Variants in AQP5 observed in about 807,000 individuals in gnomAD.
The protein encoded by AQP5 is aquaporin-5.
In AQP5, 15 loss-of-function variants were observed where a neutral mutation model predicts 19.1. That is an observed-to-expected ratio of 0.79 (90% CI 0.53 to 1.21). The LOEUF (loss-of-function observed/expected upper bound fraction) is 1.21, where lower values mean the gene tolerates loss of function less well. AQP5 is among the 50% of genes most tolerant of loss of function. AQP5 has a pLI of 0.00. For synonymous variants in AQP5, 182 were observed against 160.3 expected (o/e 1.14, Z -1.02); for missense variants, 355 against 357.1 (o/e 0.99, Z 0.05).
At chr12:49,964,649 A>AG (rs1289924054) in intron 3 of AQP5, 3 of 984,808 alleles carry the variant, frequency 3.0e-6, no homozygotes, top group Middle Eastern at 5.2e-4. Context: ...CCCTGCGTGG[A>AG]GGGGACACGC....
At chr12:49,964,449 CTG>C (rs1947465388) in intron 3 of AQP5, among the ~76,000 whole-genome samples, 1 of 152,070 alleles carries the variant, frequency 6.6e-6, no homozygotes, top group Non-Finnish European at 1.5e-5. Context: ...CAGAGGGGCT[CTG>C]TGTCAATTCC....
chr12:49,963,869 A>G, intron 2 of AQP5: 2 of 811,066 alleles, frequency 2.5e-6, no homozygotes, highest in Non-Finnish European at 1.9e-6. Flanking sequence ...AGGAGGTGGG[A>G]TGGGACAGGA....
chr12:49,963,956 T>C, intron 2 of AQP5, 136 bp from the exon 3 acceptor site: 3 of 915,924 alleles, frequency 3.3e-6, no homozygotes, highest in Non-Finnish European at 5.2e-6. Flanking sequence ...GCTGGGATCC[T>C]TGGAGGGAGA....
At position 49,965,341 on chromosome 12, in the gene AQP5, T is replaced by A; in HGVS notation, c.*164T>A. On this transcript the variant is annotated 3_prime_UTR_variant, in exon 4 of 4. Transcript: ENST00000293599. ...TAGAGAGGGGAGAAGGAACCCATGATGGGACTCCTGGGGTAGGGGCCAGGG... is the reference window on the plus strand; with the variant it reads ...TAGAGAGGGGAGAAGGAACCCATGAAGGGACTCCTGGGGTAGGGGCCAGGG... 1 of 810,228 alleles carries A rather than the reference T, an allele frequency of 1.2e-6. No homozygotes were observed. Among genetic ancestry groups the A allele is most frequent in the African/African-American group, 1.7e-5 (1 of 57,558 alleles). 50.2% of individuals were successfully genotyped at this position (810,228 alleles called of 1,614,324 possible). A position where few individuals can be genotyped will look rare whatever the true frequency, so the allele number is the denominator to read the frequency against.
chr12:49,965,187 G>A lies in AQP5; in HGVS notation c.*10G>A. 1 of 1,598,874 alleles carries A rather than the reference G, an allele frequency of 6.3e-7. No homozygotes were observed. The highest frequency in any genetic ancestry group is 8.5e-7 in the Non-Finnish European group (1 of 1,172,690). ...GCTGACCACCCGCTGACCAGTGTCA[G>A]GCAGGGGCCAGCCCCTCAGCCCCTG... is the stretch of plus-strand genomic sequence containing the variant. On this transcript the variant is annotated 3_prime_UTR_variant, in exon 4 of 4. Coordinates refer to ENST00000293599, the MANE Select transcript of AQP5 (RefSeq NM_001651.4).
intron 1 of AQP5, 88 bp from the exon 2 acceptor site, chr12:49,963,404 G>A: frequency 6.5e-7 from 1 of 1,545,794 alleles, no homozygotes; most frequent in Non-Finnish European, 8.8e-7. Flanking sequence ...TGCTCTAAGT[G>A]TCCCTGGAGG....
chr12:49,962,371 C>A lies in AQP5; in HGVS notation c.354C>A (p.Ala118=). 1 of 1,571,854 alleles carries A rather than the reference C, an allele frequency of 6.4e-7. No homozygotes were observed. Among genetic ancestry groups the A allele is most frequent in the Non-Finnish European group, 8.6e-7 (1 of 1,168,228 alleles). ...VAPLNARGNL[A]VNALNNNTTQ... ...CGCTCAATGCCCGGGGCAATCTGGC[C>A]GTCAACGCGGTGAGTGCCCTGGGGG... Residue 118 remains alanine, a synonymous_variant, in exon 1 of 4, where the codon GCC becomes GCA. Coordinates refer to ENST00000293599, the MANE Select transcript of AQP5 (RefSeq NM_001651.4).
In AQP5 at chr12:49,962,109, C is replaced by A; in HGVS notation, c.92C>A (p.Ser31Ter). The change falls in exon 1 of 4, where the codon TCG becomes TAG. Residue 31 changes from serine (S) to a stop codon, truncating the protein, a stop_gained. Transcript: ENST00000293599. LOFTEE classifies it high-confidence loss of function. Reference sequence around the variant, plus strand: ...ATCTTCGTCTTCTTTGGCCTGGGCTCGGCCCTCAAGTGGCCGTCGGCGCTG... The same window carrying A: ...ATCTTCGTCTTCTTTGGCCTGGGCTAGGCCCTCAAGTGGCCGTCGGCGCTG... ...TLIFVFFGLGSALKWPSALPT... is the reference protein window; with the variant it reads ...TLIFVFFGLG The A allele has an allele frequency of 5.6e-6, 9 of 1,613,556 alleles. No homozygotes were observed. The highest frequency in any genetic ancestry group is 7.6e-6 in the Non-Finnish European group (9 of 1,179,778).
chr12:49,964,006 A>G, intron 2 of AQP5, 86 bp from the exon 3 acceptor site: 1 of 1,337,424 alleles, frequency 7.5e-7, no homozygotes, highest in Non-Finnish European at 1.1e-6. Flanking sequence ...GAGCCCCTGG[A>G]CTGCAGTGTA....
At position 49,965,301 on chromosome 12, in the gene AQP5, C is replaced by A; in HGVS notation, c.*124C>A. Reference sequence around the variant, plus strand: ...TTGGCTGAGGAGGAGGAGCTGGTCACCCTGGCTGCACAGTTAGAGAGGGGA... The same window carrying A: ...TTGGCTGAGGAGGAGGAGCTGGTCAACCTGGCTGCACAGTTAGAGAGGGGA... On this transcript the variant is annotated 3_prime_UTR_variant, in exon 4 of 4. Coordinates refer to ENST00000293599, the MANE Select transcript of AQP5 (RefSeq NM_001651.4). 8.3e-7 allele frequency: 1 copy of A among 1,207,890 alleles called. No homozygotes were observed. Among genetic ancestry groups the A allele is most frequent in the Non-Finnish European group, 1.1e-6 (1 of 893,322 alleles). The allele number at this position is 1,207,890 out of a possible 1,614,324, so 74.8% of individuals were successfully genotyped here.
chr12:49,964,843 G>A, intron 3 of AQP5, 149 bp from the exon 4 acceptor site: 1 of 1,437,648 alleles, frequency 7.0e-7, no homozygotes, highest in Non-Finnish European at 9.1e-7. Flanking sequence ...TCGTCCCCGA[G>A]GTGGGAGGAA....
In AQP5 at chr12:49,965,209, C is replaced by T. The variant is rs1159582110; in HGVS notation, c.*32C>T. On this transcript the variant is annotated 3_prime_UTR_variant, in exon 4 of 4. Coordinates refer to ENST00000293599, the MANE Select transcript of AQP5 (RefSeq NM_001651.4). ...TCAGGCAGGGGCCAGCCCCTCAGCC[C>T]CTGAGCCAAGGGGGAAAAGAAGAAA... The T allele has an allele frequency of 1.3e-6, 2 of 1,557,948 alleles. No homozygotes were observed. Among genetic ancestry groups the T allele is most frequent in the Non-Finnish European group, 1.7e-6 (2 of 1,154,976 alleles).
intron 3 of AQP5, 82 bp downstream of exon 3, chr12:49,964,257 G>A (rs1947462319): frequency 1.7e-5 from 25 of 1,437,146 alleles, no homozygotes; most frequent in Non-Finnish European, 2.3e-5. Flanking sequence ...ACCAGACCTG[G>A]ATTCTGTGGG....
chr12:49,963,584 CCG>C lies in AQP5; in HGVS notation c.458_459del (p.Arg153ProfsTer81). 3 of 1,613,942 alleles carry C rather than the reference CCG, an allele frequency of 1.9e-6. No individual in the cohort carries two copies. Among genetic ancestry groups the C allele is most frequent in the Non-Finnish European group, 2.5e-6 (3 of 1,180,040 alleles). ...ALCIFASTDSRRTSPVGSPAL... is the reference protein window; with the variant it reads ...ALCIFASTDSXRTSPVGSPAL... ...TCTGCATCTTCGCCTCCACTGACTCCCGCCGCACCAGCCCTGTGGGCTCCCCA... is the reference window on the plus strand; with the variant it reads ...TCTGCATCTTCGCCTCCACTGACTCCCCGCACCAGCCCTGTGGGCTCCCCA... On this transcript the variant is annotated frameshift_variant, in exon 2 of 4. Coordinates refer to ENST00000293599, the MANE Select transcript of AQP5 (RefSeq NM_001651.4). LOFTEE classifies it high-confidence loss of function.
rs535080363 is a variant in AQP5, at chr12:49,963,580, A to G, written c.452A>G (p.Asp151Gly). The change falls in exon 2 of 4, where the codon GAC becomes GGC. Residue 151 changes from aspartate to glycine, a missense_variant. Physicochemically the swap from Asp to Gly is moderately conservative, Grantham distance 94. Transcript: ENST00000293599. ...GCACTCTGCATCTTCGCCTCCACTG[A>G]CTCCCGCCGCACCAGCCCTGTGGGC... ...QLALCIFAST[D>G]SRRTSPVGSP... 6.2e-7 allele frequency: 1 copy of G among 1,613,016 alleles called. No individual in the cohort carries two copies. Among genetic ancestry groups the G allele is most frequent in the Admixed American group, 1.7e-5 (1 of 59,986 alleles).
In AQP5 at chr12:49,963,525, G is replaced by T; in HGVS notation, c.397G>T (p.Val133Leu). The T allele has an allele frequency of 6.2e-7, 1 of 1,613,946 alleles. No homozygotes were observed. Among genetic ancestry groups the T allele is most frequent in the Non-Finnish European group, 8.5e-7 (1 of 1,180,020 alleles). The change falls in exon 2 of 4, where the codon GTG becomes TTG. Residue 133 changes from valine to leucine, a missense_variant. Val to Leu is a conservative substitution (Grantham distance 32, BLOSUM62 1). Coordinates refer to ENST00000293599, the MANE Select transcript of AQP5 (RefSeq NM_001651.4). Reference sequence around the variant, plus strand: ...CAACACAACGCAGGGCCAGGCCATGGTGGTGGAGCTGATTCTGACCTTCCA... The same window carrying T: ...CAACACAACGCAGGGCCAGGCCATGTTGGTGGAGCTGATTCTGACCTTCCA... ...NNNTTQGQAM[V>L]VELILTFQLA... is the part of the protein sequence containing the mutation.
In AQP5 at chr12:49,965,623, G is replaced by T. The variant is rs1472339872; in HGVS notation, c.*446G>T. ...CGCCTTATTTATTTCTGGTGAGGAT[G>T]CATGCGTGGGGCTGCTGGTGTTTAG... is the stretch of plus-strand genomic sequence containing the variant. On this transcript the variant is annotated 3_prime_UTR_variant, in exon 4 of 4. Coordinates refer to ENST00000293599, the MANE Select transcript of AQP5 (RefSeq NM_001651.4). 2 of 154,814 alleles carry T rather than the reference G, an allele frequency of 1.3e-5. No individual in the cohort carries two copies. The highest frequency in any genetic ancestry group is 4.8e-5 in the African/African-American group (2 of 41,490). The allele number at this position is 154,814 out of a possible 1,614,324, so 9.6% of individuals were successfully genotyped here.
At position 49,963,555 on chromosome 12, in the gene AQP5, G is replaced by C. The variant is rs1947452989; in HGVS notation, c.427G>C (p.Ala143Pro). Residue 143 changes from alanine to proline, a missense_variant, in exon 2 of 4, where the codon GCA (alanine) becomes CCA (proline). Coordinates refer to ENST00000293599, the MANE Select transcript of AQP5 (RefSeq NM_001651.4). ...VVELILTFQL[A>P]LCIFASTDSR... ...GGAGCTGATTCTGACCTTCCAGCTG[G>C]CACTCTGCATCTTCGCCTCCACTGA... is the stretch of plus-strand genomic sequence containing the variant. The C allele has an allele frequency of 6.2e-7, 1 of 1,613,792 alleles. No homozygotes were observed. The highest frequency in any genetic ancestry group is 8.5e-7 in the Non-Finnish European group (1 of 1,180,048).
At chr12:49,962,753 C>CT (rs1324722317) in intron 1 of AQP5, 1 of 206,674 alleles carries the variant, frequency 4.8e-6, no homozygotes, top group Non-Finnish European at 9.8e-6. Context: ...GAAAAGCGGG[C>CT]TGTCATCACG....
Sources: allele counts gnomAD v4.1 joint callset (sites outside exome capture counted in the v4.1 genomes callset), GRCh38; gene constraint gnomAD v4.1.1; transcripts MANE v1.5; gene names NCBI Gene and HGNC (gene_info 2026-07-23, HGNC 2026-07-21).